Variants in CAMSAP1 observed in about 807,000 individuals in gnomAD.
CAMSAP1 encodes calmodulin-regulated spectrin-associated protein 1.
Under a neutral mutation model 143.5 loss-of-function variants are expected in CAMSAP1, and 58 were observed. The observed-to-expected ratio is 0.40, with a 90% CI of 0.33 to 0.50. The LOEUF is 0.50. Ranked by LOEUF, CAMSAP1 falls within the 20% of genes least tolerant of loss-of-function variation. The pLI is 0.45. For missense variants in CAMSAP1, 1,969 were observed against 2,115.7 expected, an observed-to-expected ratio of 0.93 and a Z score of 1.36; for synonymous variants, 945 against 859.3, an observed-to-expected ratio of 1.10 and a Z score of -1.74.
At position 135,811,304 on chromosome 9, in the gene CAMSAP1, C is replaced by T. The variant is rs539202672; in HGVS notation, c.*5G>A. The T allele has an allele frequency of 6.1e-5, 98 of 1,610,580 alleles. No individual in the cohort carries two copies. Among genetic ancestry groups the T allele is most frequent in the South Asian group, 5.4e-4 (49 of 90,392 alleles). On this transcript the variant is annotated 3_prime_UTR_variant, in exon 17 of 17. Coordinates refer to ENST00000389532, the MANE Select transcript of CAMSAP1 (RefSeq NM_015447.4). The surrounding 1 kb of genome is among the most constrained non-coding windows in gnomAD (Gnocchi z 4.9). ...GTCACCCTTTGGACGCCAGCTGCACCGGGGTCATTTACGAGTCTGGGCCTT... is the reference window on the plus strand; with the variant it reads ...GTCACCCTTTGGACGCCAGCTGCACTGGGGTCATTTACGAGTCTGGGCCTT...
rs200494107 is a variant in CAMSAP1 at position 135,822,255 on chromosome 9, C to T, written c.2406G>A (p.Met802Ile). Residue 802 changes from methionine (M) to isoleucine (I), a missense_variant, in exon 11 of 17, where the codon ATG becomes ATA. Coordinates refer to ENST00000389532, the MANE Select transcript of CAMSAP1 (RefSeq NM_015447.4). The surrounding 1 kb of genome is among the most constrained non-coding windows in gnomAD (Gnocchi z 6.1). ...SSPCLSTASQ[M>I]SSVSMASGSV... ...TCCCACTCGCCATGGAGACACTGCT[C>T]ATCTGAGAGGCTGTGCTCAGGCAGG... The T allele has an allele frequency of 6.2e-7, 1 of 1,614,012 alleles. No individual in the cohort carries two copies. Among genetic ancestry groups the T allele is most frequent in the African/African-American group, 1.3e-5 (1 of 75,064 alleles).
rs577989152 is a variant in CAMSAP1, at chr9:135,861,957, G to A, written c.808+510C>T. On this transcript the variant is annotated intron_variant, in intron 5 of 16. Coordinates refer to ENST00000389532, the MANE Select transcript of CAMSAP1 (RefSeq NM_015447.4). ...CATCGGAACGTCCCCAACACGAAGCGTGTGGCAGTTGTTCATAAATGGTTC... is the reference window on the plus strand; with the variant it reads ...CATCGGAACGTCCCCAACACGAAGCATGTGGCAGTTGTTCATAAATGGTTC... Among the ~76,000 whole-genome samples, 9 of 152,326 alleles carry A rather than the reference G, an allele frequency of 5.9e-5. No homozygotes were observed. In the South Asian group the frequency reaches 1.0e-3, roughly 18 times the overall value.
rs1564417041 is a variant in CAMSAP1, at chr9:135,819,027, G to C, written c.3942C>G (p.Leu1314=). 6.2e-7 allele frequency: 1 copy of C among 1,606,768 alleles called. No homozygotes were observed. The highest frequency in any genetic ancestry group is 8.5e-7 in the Non-Finnish European group (1 of 1,178,854). The change falls in exon 12 of 17, where the codon CTC becomes CTG. Residue 1314 remains leucine, a synonymous_variant. Transcript: ENST00000389532. ...ACGCTTACCGGGCTTCGTCACGCTTGAGCTCCACCTCCGCTTCCAGCTGCT... is the reference window on the plus strand; with the variant it reads ...ACGCTTACCGGGCTTCGTCACGCTTCAGCTCCACCTCCGCTTCCAGCTGCT... ...RKQQLEAEVE[L]KRDEARRKAE...
intron 1 of CAMSAP1, among the ~76,000 whole-genome samples, chr9:135,889,479 G>A (rs1308551098): frequency 6.6e-6 from 1 of 152,260 alleles, no homozygotes; most frequent in African/African-American, 2.4e-5. Flanking sequence ...AAGAAGCACA[G>A]GCAGAAGCCC....
At chr9:135,836,717 C>T in intron 7 of CAMSAP1, 1 of 984,670 alleles carries the variant, frequency 1.0e-6, no homozygotes, top group Non-Finnish European at 1.2e-6. Flanking sequence ...AGACACACAT[C>T]ACCACGCACT....
At chr9:135,830,736 A>C (rs1435393075) in intron 7 of CAMSAP1, among the ~76,000 whole-genome samples, 2 of 152,252 alleles carry the variant, frequency 1.3e-5, no homozygotes, top group African/African-American at 4.8e-5. Context: ...ACAGCAGCAG[A>C]ATACGTATTT....
intron 1 of CAMSAP1, among the ~76,000 whole-genome samples, chr9:135,889,218 A>G (rs1838219950): frequency 1.3e-5 from 2 of 152,210 alleles, no homozygotes; most frequent in Admixed American, 6.5e-5. Context: ...CCCCAGGAGC[A>G]GGTCAGGGCC....
chr9:135,889,778 A>G (rs1215835434), intron 1 of CAMSAP1, among the ~76,000 whole-genome samples: 1 of 152,174 alleles, frequency 6.6e-6, no homozygotes, highest in Non-Finnish European at 1.5e-5. Flanking sequence ...GTTAGAGTGG[A>G]GCACAAACTC....
chr9:135,899,079 G>C (rs1838540042), intron 1 of CAMSAP1, among the ~76,000 whole-genome samples: 1 of 152,210 alleles, frequency 6.6e-6, no homozygotes, highest in African/African-American at 2.4e-5. Context: ...AGTCAGATTA[G>C]ATGCACAGAG....
At position 135,846,239 on chromosome 9, in the gene CAMSAP1, C is replaced by T. The variant is rs553523881; in HGVS notation, c.1045+3898G>A. ...AGAAATAATGCCACACACCTACAACCATCTGATCTTTGACAAATCTGACAA... is the reference window on the plus strand; with the variant it reads ...AGAAATAATGCCACACACCTACAACTATCTGATCTTTGACAAATCTGACAA... On this transcript the variant is annotated intron_variant, in intron 7 of 16. Coordinates refer to ENST00000389532, the MANE Select transcript of CAMSAP1 (RefSeq NM_015447.4). 4.6e-5 allele frequency among the ~76,000 whole-genome samples: 7 copies of T among 152,254 alleles called. No homozygotes were observed. In the East Asian group the frequency reaches 1.2e-3, roughly 25 times the overall value.
intron 16 of CAMSAP1, among the ~76,000 whole-genome samples, chr9:135,813,546 G>A (rs1032039072): frequency 1.3e-5 from 2 of 152,240 alleles, no homozygotes; most frequent in African/African-American, 2.4e-5. Flanking sequence ...GGGGAGTGGG[G>A]TTCATCTTAT....
At chr9:135,905,218 C>T (rs1838741516) in intron 1 of CAMSAP1, among the ~76,000 whole-genome samples, 1 of 152,300 alleles carries the variant, frequency 6.6e-6, no homozygotes, top group East Asian at 1.9e-4. Context: ...TGACCTGGTA[C>T]CGGAAGTGAA....
intron 3 of CAMSAP1, among the ~76,000 whole-genome samples, chr9:135,868,731 G>A (rs1027781332): frequency 2.7e-5 from 4 of 148,838 alleles, no homozygotes; most frequent in Non-Finnish European, 5.9e-5. Flanking sequence ...ATTCTCCTGC[G>A]TCAGCCTCCT....
chr9:135,865,579 C>A (rs891465957), intron 4 of CAMSAP1, among the ~76,000 whole-genome samples: 11 of 152,342 alleles, frequency 7.2e-5, no homozygotes, highest in African/African-American at 2.6e-4. Flanking sequence ...CAACACTATT[C>A]TTTGCAGTAG....
chr9:135,853,999 T>C (rs1048433819), intron 5 of CAMSAP1, among the ~76,000 whole-genome samples: 1 of 152,276 alleles, frequency 6.6e-6, no homozygotes, highest in African/African-American at 2.4e-5. Flanking sequence ...TTTCAATCCA[T>C]ACTAACATGG....
In CAMSAP1 at chr9:135,826,951, T is replaced by C. The variant is rs13289499; in HGVS notation, c.1223+456A>G. On this transcript the variant is annotated intron_variant, in intron 8 of 16. Transcript: ENST00000389532. The surrounding 1 kb of genome is among the most constrained non-coding windows in gnomAD (Gnocchi z 4.4). ...GAGTAGTTTAGCCTTTAAGCAGCTC[T>C]ATACACTTTTTCACTCGAATCAAAT... Among the ~76,000 whole-genome samples the C allele has an allele frequency of 0.25, 38,777 of 152,218 alleles. 5,173 individuals are homozygous for C. The highest frequency in any genetic ancestry group is 0.29 in the South Asian group (1,406 of 4,820).
chr9:135,815,350 G>T, intron 15 of CAMSAP1, 135 bp from the exon 16 acceptor site: 1 of 498,580 alleles, frequency 2.0e-6, no homozygotes, highest in Non-Finnish European at 3.5e-6. Context: ...TTAAAAATGG[G>T]AAGTAAAAAC....
chr9:135,857,740 C>T (rs1837028082), intron 5 of CAMSAP1, among the ~76,000 whole-genome samples: 1 of 152,146 alleles, frequency 6.6e-6, no homozygotes, highest in Non-Finnish European at 1.5e-5. Flanking sequence ...GAATCCTTCC[C>T]TGTGTTGCAT....
At chr9:135,844,161 C>T (rs1836466560) in intron 7 of CAMSAP1, among the ~76,000 whole-genome samples, 1 of 152,158 alleles carries the variant, frequency 6.6e-6, no homozygotes. Flanking sequence ...CTTCTCAGCA[C>T]CACGTAGCAC....
Sources: gnomAD v4.1 joint callset for allele counts (sites outside exome capture counted in the v4.1 genomes callset) on GRCh38, gnomAD v4.1.1 for gene constraint, Gnocchi (gnomAD v3.1) non-coding constraint, MANE v1.5 for transcripts, NCBI Gene and HGNC (gene_info 2026-07-23, HGNC 2026-07-21) for gene names.